IL3: variants seen among roughly 807,000 people sequenced by gnomAD.
The protein encoded by IL3 is interleukin-3.
In IL3, 15 loss-of-function variants were observed where a neutral mutation model predicts 15.4. The observed-to-expected ratio is 0.97, with a 90% confidence interval of 0.65 to 1.50. The LOEUF (loss-of-function observed/expected upper bound fraction) is 1.50. Ranked by LOEUF, IL3 falls within the 40% of genes most tolerant of loss-of-function variation. The pLI is 0.00. For synonymous variants in IL3, 74 were observed against 79.3 expected, an observed-to-expected ratio of 0.93 and a Z score of 0.36; for missense variants, 162 against 192.2, an observed-to-expected ratio of 0.84 and a Z score of 0.93.
Position 132,062,531 on chromosome 5 carries a change from C to T in IL3, c.300C>T (p.Leu100=). ...GCTTTGGTCTCTTTCCACAGAATCT[C>T]CTGCCATGTCTGCCCCTGGCCACGG... The part of the protein sequence containing the change: ...ASAIESILKN[L]LPCLPLATAA... The change falls in exon 4 of 5, where the codon CTC becomes CTT. Residue 100 remains leucine, a synonymous_variant. Transcript: ENST00000296870. 6.2e-7 allele frequency: 1 copy of T among 1,614,214 alleles called. No individual in the cohort carries two copies. Among genetic ancestry groups the T allele is most frequent in the Non-Finnish European group, 8.5e-7 (1 of 1,180,042 alleles).
Position 132,060,823 on chromosome 5 carries a change from C to A in IL3, c.117C>A (p.Ile39=), listed in dbSNP as rs376385180. ...GCTGGGTTAACTGCTCTAACATGAT[C>A]GATGAAATTATAACACACTTAAAGC... The part of the protein sequence containing the change: ...KTSWVNCSNM[I]DEIITHLKQP... Residue 39 remains isoleucine, a synonymous_variant, in exon 1 of 5, where the codon ATC becomes ATA. Transcript: ENST00000296870. 1 of 1,614,094 alleles carries A rather than the reference C, an allele frequency of 6.2e-7. No individual in the cohort carries two copies. The highest frequency in any genetic ancestry group is 1.1e-5 in the South Asian group (1 of 91,080).
In IL3 at chr5:132,060,843, TA is replaced by T. The variant is rs768045021; in HGVS notation, c.140del (p.Lys47SerfsTer21). 6.2e-7 allele frequency: 1 copy of T among 1,614,168 alleles called. No individual in the cohort carries two copies. Among genetic ancestry groups the T allele is most frequent in the South Asian group, 1.1e-5 (1 of 91,078 alleles). On this transcript the variant is annotated frameshift_variant, in exon 1 of 5. Coordinates refer to ENST00000296870, the MANE Select transcript of IL3 (RefSeq NM_000588.4). LOFTEE classifies it high-confidence loss of function. Reference protein sequence around the residue: ...SNMIDEIITHLKQPPLPLLDF... With the variant: ...SNMIDEIITHXKQPPLPLLDF... ...ATGATCGATGAAATTATAACACACT[TA>T]AAGCAGCCACCTTTGCCTTTGCTGG...
chr5:132,062,169 A>G (rs1756491468), intron 2 of IL3, 143 bp from the exon 3 acceptor site: 2 of 730,584 alleles, frequency 2.7e-6, no homozygotes, highest in African/African-American at 3.5e-5. Flanking sequence ...GCAGGGACCC[A>G]CCTGAGGCAA....
rs1315134375 is a variant in IL3 at position 132,062,571 on chromosome 5, A to C, written c.336+4A>C. On this transcript the variant is annotated splice_donor_region_variant and intron_variant, in intron 4 of 4. Coordinates refer to ENST00000296870, the MANE Select transcript of IL3 (RefSeq NM_000588.4). ...CCTGGCCACGGCCGCACCCACGGTA[A>C]GCTGTCCCCCAAGATGCCCGTCATG... The C allele has an allele frequency of 3.7e-6, 6 of 1,614,030 alleles. No individual in the cohort carries two copies. Among genetic ancestry groups the C allele is most frequent in the Non-Finnish European group, 5.1e-6 (6 of 1,180,018 alleles).
chr5:132,060,724 C>T lies in IL3; in HGVS notation c.18C>T (p.Val6=). 3 of 1,613,490 alleles carry T rather than the reference C, an allele frequency of 1.9e-6. No homozygotes were observed. The highest frequency in any genetic ancestry group is 2.5e-6 in the Non-Finnish European group (3 of 1,180,018). Reference sequence around the variant, plus strand: ...ATCCAAACATGAGCCGCCTGCCCGTCCTGCTCCTGCTCCAACTCCTGGTCC... The same window carrying T: ...ATCCAAACATGAGCCGCCTGCCCGTTCTGCTCCTGCTCCAACTCCTGGTCC... The part of the protein sequence containing the change: MSRLP[V]LLLLQLLVRP... Residue 6 remains valine (V), a synonymous_variant, in exon 1 of 5, where the codon GTC becomes GTT. Coordinates refer to ENST00000296870, the MANE Select transcript of IL3 (RefSeq NM_000588.4).
At position 132,062,301 on chromosome 5, in the gene IL3, T is replaced by G. The variant is rs1756494060; in HGVS notation, c.205-11T>G. The G allele has an allele frequency of 3.1e-6, 5 of 1,605,792 alleles. No homozygotes were observed. The highest frequency in any genetic ancestry group is 4.3e-6 in the Non-Finnish European group (5 of 1,172,348). On this transcript the variant is annotated splice_polypyrimidine_tract_variant and intron_variant, in intron 2 of 4. Transcript: ENST00000296870. ...ACCTTTCCCCCTTAAGTGTATTCTCTGCCCCGTTAGGAAAATAACCTTCGA... is the reference window on the plus strand; with the variant it reads ...ACCTTTCCCCCTTAAGTGTATTCTCGGCCCCGTTAGGAAAATAACCTTCGA...
chr5:132,061,827 G>A (rs1418724876), intron 2 of IL3, among the ~76,000 whole-genome samples: 1 of 149,380 alleles, frequency 6.7e-6, no homozygotes, highest in Non-Finnish European at 1.5e-5. Flanking sequence ...GGAGTGCAGT[G>A]GCACGATCTC....
chr5:132,062,477 T>A (rs1412263669), intron 3 of IL3, 49 bp from the exon 4 acceptor site: 1 of 1,613,056 alleles, frequency 6.2e-7, no homozygotes, highest in Non-Finnish European at 8.5e-7. Flanking sequence ...CAGGGCCCAC[T>A]CCCTTTCCAA....
In IL3 at chr5:132,062,361, A is replaced by G. The variant is rs1478965597; in HGVS notation, c.254A>G (p.Lys85Arg). Residue 85 changes from lysine to arginine, a missense_variant, in exon 3 of 5, where the codon AAG becomes AGG. Lys to Arg is a conservative substitution (Grantham distance 26). Transcript: ENST00000296870. ...CTGGAGGCATTCAACAGGGCTGTCA[A>G]GAGTTTACAGAACGCATCAGCAATT... ...PNLEAFNRAV[K>R]SLQNASAIES... 1.2e-6 allele frequency: 2 copies of G among 1,614,112 alleles called. No individual in the cohort carries two copies. Among genetic ancestry groups the G allele is most frequent in the African/African-American group, 1.3e-5 (1 of 74,940 alleles).
chr5:132,062,414 G>A lies in IL3; in HGVS notation c.294+13G>A, dbSNP rs752253686. The A allele has an allele frequency of 2.7e-5, 43 of 1,613,578 alleles. No homozygotes were observed. The highest frequency in any genetic ancestry group is 3.6e-5 in the Non-Finnish European group (43 of 1,179,462). The stretch of plus-strand genomic sequence containing the variant: ...GAGCATTCTTAAAGTATGTGAAGCT[G>A]TTGAGGGTTTGGGATCCCTGTGTTG... On this transcript the variant is annotated intron_variant, in intron 3 of 4. Transcript: ENST00000296870.
rs750530337 is a variant in IL3 at position 132,062,804 on chromosome 5, G to C, written c.*13G>C. ...CGCGATCTTTTGAGTCCAACGTCCA[G>C]CTCGTTCTCTGGGCCTTCTCACCAC... On this transcript the variant is annotated 3_prime_UTR_variant, in exon 5 of 5. Coordinates refer to ENST00000296870, the MANE Select transcript of IL3 (RefSeq NM_000588.4). The C allele has an allele frequency of 1.9e-6, 3 of 1,609,660 alleles. No homozygotes were observed. The highest frequency in any genetic ancestry group is 2.7e-5 in the African/African-American group (2 of 74,800).
intron 2 of IL3, among the ~76,000 whole-genome samples, chr5:132,062,077 T>C (rs1000804382): frequency 1.3e-5 from 2 of 152,198 alleles, no homozygotes; most frequent in Non-Finnish European, 2.9e-5. Context: ...AGGCCCTTTA[T>C]GTAGCTCAAA....
In IL3 at chr5:132,062,814, T is replaced by C; in HGVS notation, c.*23T>C. 6.2e-7 allele frequency: 1 copy of C among 1,606,668 alleles called. No homozygotes were observed. The highest frequency in any genetic ancestry group is 8.5e-7 in the Non-Finnish European group (1 of 1,174,768). On this transcript the variant is annotated 3_prime_UTR_variant, in exon 5 of 5. Transcript: ENST00000296870. The stretch of plus-strand genomic sequence containing the variant: ...TGAGTCCAACGTCCAGCTCGTTCTC[T>C]GGGCCTTCTCACCACAGAGCCTCGG...
rs774353732 is a variant in IL3 at position 132,062,381 on chromosome 5, G to A, written c.274G>A (p.Ala92Thr). ...RAVKSLQNAS[A>T]IESILKNLLP... ...TGTCAAGAGTTTACAGAACGCATCA[G>A]CAATTGAGAGCATTCTTAAAGTATG... is the stretch of plus-strand genomic sequence containing the variant. Residue 92 changes from alanine (A) to threonine (T), a missense_variant, in exon 3 of 5, where the codon GCA (alanine) becomes ACA (threonine). Physicochemically the swap from Ala to Thr is moderately conservative, Grantham distance 58. Transcript: ENST00000296870. The A allele has an allele frequency of 2.5e-5, 41 of 1,613,958 alleles. No homozygotes were observed. The Admixed American group carries it at 6.0e-4, about 24-fold the overall frequency.
rs1443214270 is a variant in IL3, at chr5:132,060,889, T to G, written c.162+21T>G. 3 of 1,612,394 alleles carry G rather than the reference T, an allele frequency of 1.9e-6. No individual in the cohort carries two copies. The Admixed American group carries it at 5.0e-5, about 27-fold the overall frequency. Reference sequence around the variant, plus strand: ...TGCTGGTGAGTAGCTTGGATAAGACTGGCCTGCAGCAGTGAGGGGTGGTGG... The same window carrying G: ...TGCTGGTGAGTAGCTTGGATAAGACGGGCCTGCAGCAGTGAGGGGTGGTGG... On this transcript the variant is annotated intron_variant, in intron 1 of 4. Coordinates refer to ENST00000296870, the MANE Select transcript of IL3 (RefSeq NM_000588.4).
At chr5:132,061,567 C>A (rs950405126) in intron 2 of IL3, among the ~76,000 whole-genome samples, 4 of 152,202 alleles carry the variant, frequency 2.6e-5, no homozygotes, top group Admixed American at 6.5e-5. Context: ...ACATGCTGCA[C>A]CCATTTCCAT....
Position 132,060,765 on chromosome 5 carries a change from C to T in IL3, c.59C>T (p.Ala20Val), listed in dbSNP as rs772149191. The T allele has an allele frequency of 5.6e-6, 9 of 1,614,012 alleles. No individual in the cohort carries two copies. The highest frequency in any genetic ancestry group is 2.7e-5 in the African/African-American group (2 of 74,938). The change falls in exon 1 of 5, where the codon GCT (alanine) becomes GTT (valine). Residue 20 changes from alanine (A) to valine (V), a missense_variant. Transcript: ENST00000296870. Reference sequence around the variant, plus strand: ...CTCCTGGTCCGCCCCGGACTCCAAGCTCCCATGACCCAGACAACGCCCTTG... The same window carrying T: ...CTCCTGGTCCGCCCCGGACTCCAAGTTCCCATGACCCAGACAACGCCCTTG... ...LQLLVRPGLQAPMTQTTPLKT... is the reference protein window; with the variant it reads ...LQLLVRPGLQVPMTQTTPLKT...
At position 132,062,568 on chromosome 5, in the gene IL3, G is replaced by T. The variant is rs201310209; in HGVS notation, c.336+1G>T. 1.2e-5 allele frequency: 20 copies of T among 1,614,088 alleles called. No individual in the cohort carries two copies. Among genetic ancestry groups the T allele is most frequent in the Middle Eastern group, 1.6e-4 (1 of 6,062 alleles). ...GCCCCTGGCCACGGCCGCACCCACG[G>T]TAAGCTGTCCCCCAAGATGCCCGTC... On this transcript the variant is annotated splice_donor_variant, in intron 4 of 4. Coordinates refer to ENST00000296870, the MANE Select transcript of IL3 (RefSeq NM_000588.4). LOFTEE classifies it high-confidence loss of function.
In IL3 at chr5:132,063,180, G is replaced by T. The variant is rs557232346; in HGVS notation, c.*389G>T. 1.1e-5 allele frequency: 2 copies of T among 184,326 alleles called. No homozygotes were observed. Among genetic ancestry groups the T allele is most frequent in the South Asian group, 2.3e-4 (2 of 8,746 alleles). The allele number at this position is 184,326 out of a possible 1,614,324, so 11.4% of individuals were successfully genotyped here. A position where few individuals can be genotyped will look rare whatever the true frequency, so the allele number is the denominator to read the frequency against. On this transcript the variant is annotated 3_prime_UTR_variant, in exon 5 of 5. Coordinates refer to ENST00000296870, the MANE Select transcript of IL3 (RefSeq NM_000588.4). ...GTTTTAAACTGGTTCCTAGGGATGT[G>T]TGAGAATAAACTAGACTCTGAACAA... is the stretch of plus-strand genomic sequence containing the variant.
Sources: gnomAD v4.1 joint callset for allele counts (sites outside exome capture counted in the v4.1 genomes callset) on GRCh38, gnomAD v4.1.1 for gene constraint, MANE v1.5 for transcripts, NCBI Gene and HGNC (gene_info 2026-07-23, HGNC 2026-07-21) for gene names.